The following HIVEP3 variants were observed in gnomAD, a reference collection of about 807,000 sequenced individuals.
HIVEP3 encodes the protein HIVEP zinc finger 3.
A neutral mutation model predicts 152.8 loss-of-function variants in HIVEP3; 49 were observed. That is an observed-to-expected ratio of 0.32 (90% CI 0.26 to 0.41). The LOEUF (loss-of-function observed/expected upper bound fraction) is 0.41. Among genes scored for constraint, HIVEP3 ranks in the 10% least tolerant of loss-of-function variants. HIVEP3 has a pLI of 1.00. For synonymous variants in HIVEP3, 1,269 were observed against 1,289.0 expected (o/e 0.98, Z 0.33); for missense variants, 2,790 against 3,103.3 (o/e 0.90, Z 2.40).
In HIVEP3 at chr1:41,513,759, A is replaced by G; in HGVS notation, c.5471-9T>C. On this transcript the variant is annotated splice_polypyrimidine_tract_variant and intron_variant, in intron 7 of 8. Transcript: ENST00000372583. ...CAGGTCGTCACTGGTTCCTGAGGGC[A>G]AACACAGAAGACCCAAGGTCACAGT... 6.5e-7 allele frequency: 1 copy of G among 1,543,186 alleles called. No homozygotes were observed. The highest frequency in any genetic ancestry group is 8.7e-7 in the Non-Finnish European group (1 of 1,145,268).
chr1:42,010,626 A>G (rs1645487708), intron 1 of HIVEP3, among the ~76,000 whole-genome samples: 1 of 152,166 alleles, frequency 6.6e-6, no homozygotes, highest in Non-Finnish European at 1.5e-5. Flanking sequence ...CTCTACCCTC[A>G]GGATTTCCTT....
At chr1:41,689,618 C>A (rs543164336) in intron 2 of HIVEP3, among the ~76,000 whole-genome samples, 1 of 152,192 alleles carries the variant, frequency 6.6e-6, no homozygotes, top group South Asian at 2.1e-4. Context: ...GCTTTGCTTC[C>A]TACTGGTTTA....
chr1:41,665,739 C>CACACACACACACACACACACACACACAG, intron 2 of HIVEP3, among the ~76,000 whole-genome samples: 1 of 151,626 alleles, frequency 6.6e-6, no homozygotes, highest in South Asian at 2.1e-4. Context: ...CACACACACA[C>CACACACACACACACACACACACACACAG]AGTCTGGATC....
chr1:41,920,299 G>A (rs1167119906), upstream of HIVEP3, among the ~76,000 whole-genome samples: 1 of 152,104 alleles, frequency 6.6e-6, no homozygotes, highest in Non-Finnish European at 1.5e-5. Flanking sequence ...AGCCCAGGAG[G>A]CTCTGTGACA....
chr1:41,529,062 C>T (rs1466430858), intron 5 of HIVEP3, among the ~76,000 whole-genome samples: 18 of 145,018 alleles, frequency 1.2e-4, no homozygotes, highest in Admixed American at 7.5e-4. Flanking sequence ...CCCCCACCCT[C>T]ACCCTCACAC....
chr1:41,629,883 T>G (rs977622576), intron 2 of HIVEP3, among the ~76,000 whole-genome samples: 1 of 152,178 alleles, frequency 6.6e-6, no homozygotes, highest in Non-Finnish European at 1.5e-5. Context: ...CTCAAAGAAC[T>G]TCAAACAGAA....
intron 5 of HIVEP3, among the ~76,000 whole-genome samples, chr1:41,570,251 A>T (rs1004247500): frequency 2.0e-5 from 3 of 152,222 alleles, no homozygotes; most frequent in Admixed American, 2.0e-4. Context: ...AAGGAAGAGG[A>T]GGATCAAGAA....
In HIVEP3 at chr1:41,580,358, C is replaced by T; in HGVS notation, c.4440G>A (p.Arg1480=). The T allele has an allele frequency of 6.2e-7, 1 of 1,614,194 alleles. No homozygotes were observed. The highest frequency in any genetic ancestry group is 1.3e-5 in the African/African-American group (1 of 75,046). ...GGTTGCCTAAGTGGGATTTCTCTGG[C>T]CTCTTCCCATCCTCGGTGCTGGTAA... ...VVLTSTEDGK[R]PEKSHLGNQG... The change falls in exon 4 of 9, where the codon AGG becomes AGA. Residue 1480 remains arginine (R), a synonymous_variant. Transcript: ENST00000372583.
At chr1:41,718,085 G>A (rs1426240623) in intron 1 of HIVEP3, among the ~76,000 whole-genome samples, 1 of 152,214 alleles carries the variant, frequency 6.6e-6, no homozygotes, top group East Asian at 1.9e-4. Context: ...CCAAGGATTC[G>A]GAATCCCCCA....
chr1:41,774,265 C>A (rs1458265401), intron 1 of HIVEP3, among the ~76,000 whole-genome samples: 4 of 152,206 alleles, frequency 2.6e-5, no homozygotes, highest in Non-Finnish European at 4.4e-5. Context: ...AGAGATGCCA[C>A]CATCCTCACA....
chr1:41,992,659 A>C (rs1277342298), intron 1 of HIVEP3, among the ~76,000 whole-genome samples: 6 of 125,666 alleles, frequency 4.8e-5, no homozygotes, highest in Admixed American at 1.7e-4. Context: ...TTTAAAGTTC[A>C]TATGGAACCA....
intron 1 of HIVEP3, among the ~76,000 whole-genome samples, chr1:41,845,253 CA>C (rs1305818326): frequency 6.6e-6 from 1 of 152,040 alleles, no homozygotes; most frequent in Non-Finnish European, 1.5e-5. Context: ...TCCATGAGGA[CA>C]AAGAGTTTTG....
chr1:41,844,216 G>C (rs1643371222), intron 1 of HIVEP3, among the ~76,000 whole-genome samples: 1 of 152,182 alleles, frequency 6.6e-6, no homozygotes. Context: ...TCAGCCAAGG[G>C]GCATGGAAAA....
rs1644393821 is a variant in HIVEP3, at chr1:41,507,385, G to C, written c.*3066C>G. 6.6e-6 allele frequency: 1 copy of C among 152,314 alleles called. No homozygotes were observed. The highest frequency in any genetic ancestry group is 6.5e-5 in the Admixed American group (1 of 15,282). 9.4% of individuals were successfully genotyped at this position (152,314 alleles called of 1,614,324 possible). ...GCGGGCGGGAGCAGAGAGGAGTGGG[G>C]TTACTACCCAGGATGGCCCTGAGAT... On this transcript the variant is annotated 3_prime_UTR_variant, in exon 9 of 9. Coordinates refer to ENST00000372583, the MANE Select transcript of HIVEP3 (RefSeq NM_024503.5).
chr1:42,024,945 GA>G (rs1486677988), intron 1 of HIVEP3, among the ~76,000 whole-genome samples: 2 of 152,194 alleles, frequency 1.3e-5, no homozygotes, highest in Non-Finnish European at 2.9e-5. Context: ...TTGATGTTGA[GA>G]AGTATGTAAA....
intron 1 of HIVEP3, among the ~76,000 whole-genome samples, chr1:41,841,117 C>A (rs1643276875): frequency 6.6e-6 from 1 of 152,138 alleles, no homozygotes; most frequent in African/African-American, 2.4e-5. Flanking sequence ...AACAACAAAG[C>A]CAGCCCTGCG....
chr1:41,854,386 C>A (rs1643693722), intron 1 of HIVEP3, among the ~76,000 whole-genome samples: 1 of 152,062 alleles, frequency 6.6e-6, no homozygotes, highest in Admixed American at 6.6e-5. Context: ...ATGGAGCATC[C>A]CACTGAAAAC....
rs1642854817 is a variant in HIVEP3, at chr1:41,524,846, C to A, written c.5272G>T (p.Glu1758Ter). The A allele has an allele frequency of 6.2e-7, 1 of 1,614,040 alleles. No individual in the cohort carries two copies. The highest frequency in any genetic ancestry group is 1.3e-5 in the African/African-American group (1 of 74,944). ...GGCTTCTTGCAGCGAATTCCACACT[C>A]CTCACAAACATATTTCCCTCGGCCG... ...GRGRGKYVCE[E>*]CGIRCKKPSM... Residue 1758 changes from glutamate (E) to a stop codon, truncating the protein, a stop_gained, in exon 6 of 9, where the codon GAG becomes TAG. Coordinates refer to ENST00000372583, the MANE Select transcript of HIVEP3 (RefSeq NM_024503.5). LOFTEE classifies it high-confidence loss of function.
At chr1:41,732,217 C>CA (rs2124188625) in intron 1 of HIVEP3, among the ~76,000 whole-genome samples, 1 of 152,284 alleles carries the variant, frequency 6.6e-6, no homozygotes, top group Admixed American at 6.5e-5. Flanking sequence ...GGAGCATCAG[C>CA]AGAGGCGGGT....
Sources: gnomAD v4.1 joint callset for allele counts (sites outside exome capture counted in the v4.1 genomes callset) on GRCh38, gnomAD v4.1.1 for gene constraint, MANE v1.5 for transcripts, NCBI Gene and HGNC (gene_info 2026-07-23, HGNC 2026-07-21) for gene names.